DDX54: variants seen among roughly 807,000 people sequenced by gnomAD.
The protein encoded by DDX54 is ATP-dependent RNA helicase DDX54.
A neutral mutation model predicts 105.5 loss-of-function variants in DDX54; 67 were observed. The ratio of observed to expected loss-of-function variants is 0.64; its 90% CI spans 0.52 to 0.78. The LOEUF is 0.78. DDX54 is among the 30% of genes least tolerant of loss of function. The probability of loss-of-function intolerance (pLI) is 0.00; values close to 1 mark genes in which losing one functional copy is unlikely to be tolerated. For synonymous variants in DDX54, 514 were observed against 509.9 expected (o/e 1.01, Z -0.11); for missense variants, 1,206 against 1,230.5 (o/e 0.98, Z 0.30).
chr12:113,172,517 AG>A lies in DDX54; in HGVS notation c.1114del (p.Leu372Ter). ...RVSCAHIYSA[L>X]DPTARKINLA... is the part of the protein sequence containing the mutation. ...ATTGATCTTGCGGGCTGTCGGGTCT[AG>A]GGCACTGTAGATGTGGGCGCAGCTC... On this transcript the variant is annotated frameshift_variant, in exon 11 of 20. Transcript: ENST00000306014. LOFTEE classifies it high-confidence loss of function. The A allele has an allele frequency of 6.2e-7, 1 of 1,614,260 alleles. No homozygotes were observed. Among genetic ancestry groups the A allele is most frequent in the East Asian group, 2.2e-5 (1 of 44,890 alleles).
chr12:113,162,798 G>C (rs1952224339), intron 17 of DDX54, 134 bp downstream of exon 17: 1 of 815,620 alleles, frequency 1.2e-6, no homozygotes, highest in Admixed American at 3.0e-5. Flanking sequence ...GGCATGGAGG[G>C]GCGGCTCACT....
chr12:113,159,410 C>T (rs1952178179), intron 19 of DDX54: 1 of 447,880 alleles, frequency 2.2e-6, no homozygotes, highest in Non-Finnish European at 3.9e-6. Context: ...ACAGCACCTC[C>T]CTCATGGGTG....
chr12:113,169,229 T>G (rs1015601261), intron 12 of DDX54, among the ~76,000 whole-genome samples: 1 of 150,534 alleles, frequency 6.6e-6, no homozygotes, highest in Non-Finnish European at 1.5e-5. Flanking sequence ...TAGCCAGGCA[T>G]AGTGGCTTGC....
intron 14 of DDX54, among the ~76,000 whole-genome samples, chr12:113,165,426 G>A (rs929704220): frequency 5.9e-5 from 9 of 152,322 alleles, no homozygotes; most frequent in African/African-American, 9.6e-5. Flanking sequence ...TCCAGAACAA[G>A]GTGCATCTCA....
chr12:113,160,032 G>A (rs914217719), intron 19 of DDX54, among the ~76,000 whole-genome samples: 7 of 152,098 alleles, frequency 4.6e-5, no homozygotes, highest in Admixed American at 3.3e-4. Context: ...CCCACAGGTC[G>A]CCCCCGTCTC....
chr12:113,179,983 T>A lies in DDX54; in HGVS notation c.327A>T (p.Lys109Asn), dbSNP rs766990417. Reference protein sequence around the residue: ...QSMGLSYPVFKGIMKKGYKVP... With the variant: ...QSMGLSYPVFNGIMKKGYKVP... ...CCTTGTACCCCTTCTTCATGATGCC[T>A]TTGAACACCGGGTAGCTCAGGCCTG... Residue 109 changes from lysine (K) to asparagine (N), a missense_variant, in exon 3 of 20, where the codon AAA (lysine) becomes AAT (asparagine). Lys to Asn is a moderately conservative substitution (Grantham distance 94). Around this residue, in one of 3 missense-constraint regions of DDX54, gnomAD observed 212 missense variants for 155.4 expected, o/e 1.36. Transcript: ENST00000306014. 6.2e-7 allele frequency: 1 copy of A among 1,614,084 alleles called. No homozygotes were observed. Among genetic ancestry groups the A allele is most frequent in the East Asian group, 2.2e-5 (1 of 44,874 alleles).
intron 5 of DDX54, among the ~76,000 whole-genome samples, chr12:113,178,675 T>TG (rs1952432852): frequency 6.6e-6 from 1 of 152,164 alleles, no homozygotes; most frequent in South Asian, 2.1e-4. Context: ...CCATTGTAGC[T>TG]GGGATTACAG....
rs752301417 is a variant in DDX54, at chr12:113,179,992, C to T, written c.318G>A (p.Pro106=). 15 of 1,613,922 alleles carry T rather than the reference C, an allele frequency of 9.3e-6. No homozygotes were observed. Among genetic ancestry groups the T allele is most frequent in the Admixed American group, 1.7e-5 (1 of 59,994 alleles). Reference sequence around the variant, plus strand: ...CCTTCTTCATGATGCCTTTGAACACCGGGTAGCTCAGGCCTGGGAGAGACA... The same window carrying T: ...CCTTCTTCATGATGCCTTTGAACACTGGGTAGCTCAGGCCTGGGAGAGACA... ...GGFQSMGLSY[P]VFKGIMKKGY... Residue 106 remains proline, a synonymous_variant, in exon 3 of 20, where the codon CCG becomes CCA. Transcript: ENST00000306014.
In DDX54 at chr12:113,157,476, C is replaced by A; in HGVS notation, c.*1401G>T. 1 of 745,384 alleles carries A rather than the reference C, an allele frequency of 1.3e-6. No individual in the cohort carries two copies. Among genetic ancestry groups the A allele is most frequent in the Non-Finnish European group, 2.3e-6 (1 of 443,936 alleles). 46.2% of individuals were successfully genotyped at this position (745,384 alleles called of 1,614,324 possible). A position where few individuals can be genotyped will look rare whatever the true frequency, so the allele number is the denominator to read the frequency against. The stretch of plus-strand genomic sequence containing the variant: ...CACCACCTCTGGGAACCACCATCAT[C>A]ACTGTTCTTTTAATGAGGGGATCTC... On this transcript the variant is annotated 3_prime_UTR_variant, in exon 20 of 20. Coordinates refer to ENST00000306014, the MANE Select transcript of DDX54 (RefSeq NM_024072.4).
At chr12:113,184,968 T>C (rs906099279) in intron 1 of DDX54, among the ~76,000 whole-genome samples, 1 of 152,178 alleles carries the variant, frequency 6.6e-6, no homozygotes, top group African/African-American at 2.4e-5. Flanking sequence ...GCACTTTTCA[T>C]TGGGCGAAAG....
Position 113,185,395 on chromosome 12 carries a change from C to T in DDX54, c.57G>A (p.Gln19=). The change falls in exon 1 of 20, where the codon CAG becomes CAA. Residue 19 remains glutamine (Q), a synonymous_variant. Coordinates refer to ENST00000306014, the MANE Select transcript of DDX54 (RefSeq NM_024072.4). ...AGPRSRAAMA[Q]WRKKKGLRKR... ...TCCGGAGCCCTTTCTTCTTCCTCCA[C>T]TGGGCCATGGCAGCTCGCGACCGAG... 3.2e-6 allele frequency: 5 copies of T among 1,558,948 alleles called. No homozygotes were observed. Among genetic ancestry groups the T allele is most frequent in the Non-Finnish European group, 4.3e-6 (5 of 1,155,054 alleles).
At chr12:113,181,693 C>G (rs949811498) in intron 1 of DDX54, among the ~76,000 whole-genome samples, 16 of 152,036 alleles carry the variant, frequency 1.1e-4, no homozygotes, top group Non-Finnish European at 1.6e-4. Context: ...CCCCTACCCC[C>G]GCCCCATCAG....
rs56809579 is a variant in DDX54 at position 113,171,599 on chromosome 12, C to CA, written c.1279+753dup. Among the ~76,000 whole-genome samples, 821 of 102,090 alleles carry CA rather than the reference C, an allele frequency of 8.0e-3. 6 individuals carry two copies. The highest frequency in any genetic ancestry group is 0.02 in the African/African-American group (552 of 28,254). The allele number at this position is 102,090 out of a possible 152,430, so 67.0% of individuals were successfully genotyped here. A position where few individuals can be genotyped will look rare whatever the true frequency, so the allele number is the denominator to read the frequency against. ...AGCCTGGGGTACAAAGCAAGACTCT[C>CA]AAAAAAAAAAAAAAAAGTTTTGGGG... is the stretch of plus-strand genomic sequence containing the variant. On this transcript the variant is annotated intron_variant, in intron 11 of 19. Coordinates refer to ENST00000306014, the MANE Select transcript of DDX54 (RefSeq NM_024072.4).
intron 14 of DDX54, 98 bp from the exon 15 acceptor site, chr12:113,164,383 C>G: frequency 7.2e-7 from 1 of 1,398,110 alleles, no homozygotes; most frequent in Non-Finnish European, 9.5e-7. Flanking sequence ...TTCCCCAAGT[C>G]TTCCCCAGTG....
At position 113,172,478 on chromosome 12, in the gene DDX54, G is replaced by A. The variant is rs545237923; in HGVS notation, c.1154C>T (p.Thr385Met). 2.4e-5 allele frequency: 39 copies of A among 1,614,260 alleles called. No individual in the cohort carries two copies. The highest frequency in any genetic ancestry group is 5.3e-5 in the African/African-American group (4 of 75,062). Residue 385 changes from threonine (T) to methionine (M), a missense_variant, in exon 11 of 20, where the codon ACG becomes ATG. Physicochemically the swap from Thr to Met is moderately conservative, Grantham distance 81 (BLOSUM62 -1). Transcript: ENST00000306014. ...AATGAGAGTGGAGCACTTGCCAAGC[G>A]TGAATTTGGCGAGATTGATCTTGCG... ...TARKINLAKF[T>M]LGKCSTLIVT...
chr12:113,162,814 A>C (rs1952224759), intron 17 of DDX54, 118 bp downstream of exon 17: 1 of 985,664 alleles, frequency 1.0e-6, no homozygotes, highest in Non-Finnish European at 1.4e-6. Context: ...TCACTCACTC[A>C]CTCACCCCGG....
intron 12 of DDX54, among the ~76,000 whole-genome samples, chr12:113,167,777 C>G (rs1226040371): frequency 6.6e-6 from 1 of 152,218 alleles, no homozygotes; most frequent in Non-Finnish European, 1.5e-5. Flanking sequence ...GAGGCTCCTT[C>G]CCTCCCTCTG....
chr12:113,179,845 G>T, intron 3 of DDX54, 90 bp downstream of exon 3: 1 of 1,441,812 alleles, frequency 6.9e-7, no homozygotes, highest in Non-Finnish European at 9.7e-7. Context: ...AGATGTGACA[G>T]GTGGGACAAG....
chr12:113,160,513 C>T (rs112923142), intron 19 of DDX54, among the ~76,000 whole-genome samples: 33 of 152,190 alleles, frequency 2.2e-4, no homozygotes, highest in African/African-American at 6.8e-4. Context: ...ACCCAGCAAG[C>T]GGGAGCCCCT....
Sources: gnomAD v4.1 joint callset for allele counts (sites outside exome capture counted in the v4.1 genomes callset) on GRCh38, gnomAD v4.1.1 for gene constraint, gnomAD v4.1.1 regional missense constraint, MANE v1.5 for transcripts, NCBI Gene and HGNC (gene_info 2026-07-23, HGNC 2026-07-21) for gene names.